Variants in KANK1 observed in about 807,000 individuals in gnomAD.
The protein encoded by KANK1 is KN motif and ankyrin repeat domains 1.
In KANK1, 109 loss-of-function variants were observed where a neutral mutation model predicts 106.2. The observed-to-expected ratio is 1.03, with a 90% CI of 0.88 to 1.20. The LOEUF (loss-of-function observed/expected upper bound fraction) is 1.20. KANK1 is among the 50% of genes most tolerant of loss of function. The probability of loss-of-function intolerance (pLI) is 0.00; values close to 1 mark genes in which losing one functional copy is unlikely to be tolerated. For missense variants in KANK1, 2,399 were observed against 1,710.7 expected (o/e 1.40, Z -7.10); for synonymous variants, 873 against 652.2 (o/e 1.34, Z -5.16).
intron 1 of KANK1, among the ~76,000 whole-genome samples, chr9:664,849 T>C (rs1380445444): frequency 6.6e-6 from 1 of 152,214 alleles, no homozygotes; most frequent in Non-Finnish European, 1.5e-5. Flanking sequence ...TTCCCTGTCT[T>C]TTTTGATAAA....
At chr9:675,558 A>C (rs569311218) in intron 1 of KANK1, among the ~76,000 whole-genome samples, 1 of 151,748 alleles carries the variant, frequency 6.6e-6, no homozygotes, top group Admixed American at 6.6e-5. Context: ...TATAAGTCTT[A>C]TTATGGTAAT....
intron 1 of KANK1, among the ~76,000 whole-genome samples, chr9:523,603 C>G (rs1240140664): frequency 1.3e-5 from 2 of 151,838 alleles, no homozygotes; most frequent in African/African-American, 4.9e-5. Flanking sequence ...ATTCTGTAGC[C>G]TCTCCTGTGC....
chr9:535,065 T>G (rs2133658794), intron 1 of KANK1, among the ~76,000 whole-genome samples: 1 of 152,296 alleles, frequency 6.6e-6, no homozygotes, highest in East Asian at 1.9e-4. Context: ...CCTGTCCAAG[T>G]TGGCACTGAG....
At chr9:491,503 G>A (rs559539597) in intron 3 of KANK1, among the ~76,000 whole-genome samples, 1 of 151,954 alleles carries the variant, frequency 6.6e-6, no homozygotes, top group Non-Finnish European at 1.5e-5. Flanking sequence ...TCTTGACCTC[G>A]TGATCCACCC....
intron 3 of KANK1, among the ~76,000 whole-genome samples, chr9:487,446 A>T (rs1199209946): frequency 6.6e-6 from 1 of 152,194 alleles, no homozygotes; most frequent in Non-Finnish European, 1.5e-5. Flanking sequence ...GGTAGGTTAG[A>T]TGTAAGTGCA....
intron 7 of KANK1, among the ~76,000 whole-genome samples, chr9:738,020 C>T (rs1278149031): frequency 3.3e-5 from 5 of 152,188 alleles, no homozygotes; most frequent in Non-Finnish European, 7.3e-5. Context: ...GCATTTGAAA[C>T]TCAGTGGTCT....
At chr9:601,874 A>T (rs534777407) in intron 1 of KANK1, among the ~76,000 whole-genome samples, 2 of 151,852 alleles carry the variant, frequency 1.3e-5, no homozygotes, top group East Asian at 3.9e-4. Context: ...GGGTCCTTTT[A>T]CTGGACAATG....
chr9:590,187 G>C (rs2135522404), intron 1 of KANK1, among the ~76,000 whole-genome samples: 1 of 152,264 alleles, frequency 6.6e-6, no homozygotes, highest in Admixed American at 6.5e-5. Context: ...ATTTATGGTT[G>C]CTTTTTAGGG....
intron 9 of KANK1, among the ~76,000 whole-genome samples, chr9:741,409 G>A (rs1457492395): frequency 3.3e-5 from 5 of 149,862 alleles, no homozygotes; most frequent in East Asian, 3.9e-4. Flanking sequence ...AACCACCCCC[G>A]GCTCCCTGGT....
intron 3 of KANK1, among the ~76,000 whole-genome samples, chr9:491,358 C>G (rs1202292098): frequency 6.6e-6 from 1 of 151,796 alleles, no homozygotes; most frequent in Non-Finnish European, 1.5e-5. Context: ...ACCTCCGCCT[C>G]CCGGGTTCAA....
intron 1 of KANK1, among the ~76,000 whole-genome samples, chr9:602,386 A>G (rs1827978183): frequency 6.6e-6 from 1 of 151,660 alleles, no homozygotes; most frequent in South Asian, 2.1e-4. Context: ...CAGCCTCCCA[A>G]GTAGCTGGGA....
At chr9:655,264 G>T (rs563541784) in intron 1 of KANK1, among the ~76,000 whole-genome samples, 1 of 151,842 alleles carries the variant, frequency 6.6e-6, no homozygotes, top group Non-Finnish European at 1.5e-5. Context: ...CCAGCTACTC[G>T]GGAGGCTGAG....
chr9:613,174 A>G (rs1255313092), intron 1 of KANK1, among the ~76,000 whole-genome samples: 1 of 151,984 alleles, frequency 6.6e-6, no homozygotes, highest in Non-Finnish European at 1.5e-5. Context: ...CCTAGCAGCC[A>G]AGGCAAAGAA....
chr9:617,065 T>C (rs1832015563), intron 1 of KANK1, among the ~76,000 whole-genome samples: 1 of 151,804 alleles, frequency 6.6e-6, no homozygotes, highest in South Asian at 2.1e-4. Context: ...GAGAGAATAA[T>C]TTTTTTTTAA....
intron 6 of KANK1, chr9:733,398 A>G (rs41281777): frequency 0.31 from 46,888 of 152,172 alleles, 9,164 homozygotes; most frequent in African/African-American, 0.55. Context: ...CAAGTGTTTC[A>G]CATGGCTTTT....
intron 1 of KANK1, among the ~76,000 whole-genome samples, chr9:545,845 A>G (rs540725738): frequency 3.3e-5 from 5 of 149,536 alleles, no homozygotes; most frequent in African/African-American, 9.9e-5. Context: ...TCACGGGTTC[A>G]GGTGATTCTT....
At position 711,690 on chromosome 9, in the gene KANK1, A is replaced by G. The variant is rs1826142141; in HGVS notation, c.924A>G (p.Gln308=). The stretch of plus-strand genomic sequence containing the variant: ...AGTTGGTCTCACAGCTGAAAAACCA[A>G]AGGGCTGCATCCCAGATCAATGTCT... The part of the protein sequence containing the change: ...KRQLVSQLKN[Q]RAASQINVCG... Residue 308 remains glutamine, a synonymous_variant, in exon 3 of 12, where the codon CAA becomes CAG. Transcript: ENST00000382297. 2.5e-6 allele frequency: 4 copies of G among 1,614,028 alleles called. No homozygotes were observed. The South Asian group carries it at 4.4e-5, about 18-fold the overall frequency.
intron 1 of KANK1, among the ~76,000 whole-genome samples, chr9:605,058 C>CT (rs554426235): frequency 7.4e-4 from 112 of 151,656 alleles, no homozygotes; most frequent in Admixed American, 4.1e-3. Flanking sequence ...AATCCCAGCT[C>CT]TTTGGGAGGC....
intron 1 of KANK1, among the ~76,000 whole-genome samples, chr9:535,816 G>T (rs551668760): frequency 6.6e-6 from 1 of 152,206 alleles, no homozygotes; most frequent in Non-Finnish European, 1.5e-5. Context: ...CAGTCTTCTG[G>T]GTCCTCACAA....
Sources: gnomAD v4.1 joint callset for allele counts (sites outside exome capture counted in the v4.1 genomes callset) on GRCh38, gnomAD v4.1.1 for gene constraint, MANE v1.5 for transcripts, NCBI Gene and HGNC (gene_info 2026-07-23, HGNC 2026-07-21) for gene names.